CDH12: variants seen among roughly 807,000 people sequenced by gnomAD.
CDH12 encodes the protein cadherin 12.
A neutral mutation model predicts 74.1 loss-of-function variants in CDH12; 41 were observed. The observed-to-expected ratio is 0.55, with a 90% CI of 0.43 to 0.72. CDH12 has a LOEUF of 0.72. Among genes scored for constraint, CDH12 ranks in the 30% least tolerant of loss-of-function variants. The pLI is 0.00. For missense variants in CDH12, 945 were observed against 977.2 expected, an observed-to-expected ratio of 0.97 and a Z score of 0.44; for synonymous variants, 399 against 355.0, an observed-to-expected ratio of 1.12 and a Z score of -1.39.
chr5:21,957,230 C>T (rs1026844435), intron 6 of CDH12, among the ~76,000 whole-genome samples: 53 of 152,068 alleles, frequency 3.5e-4, no homozygotes, highest in Non-Finnish European at 3.4e-4. Flanking sequence ...CCAGCTCCAT[C>T]CATGTTACTG....
At chr5:22,771,691 A>C (rs1320024650) in intron 1 of CDH12, among the ~76,000 whole-genome samples, 1 of 152,142 alleles carries the variant, frequency 6.6e-6, no homozygotes, top group Non-Finnish European at 1.5e-5. Context: ...ATGCAAAATT[A>C]CTTTAATTTC....
chr5:22,502,069 T>G (rs1736180878), intron 2 of CDH12, among the ~76,000 whole-genome samples: 1 of 152,184 alleles, frequency 6.6e-6, no homozygotes, highest in South Asian at 2.1e-4. Flanking sequence ...CATCCTCATC[T>G]TCATAAAATA....
intron 6 of CDH12, among the ~76,000 whole-genome samples, chr5:21,864,934 C>G (rs988309811): frequency 6.6e-6 from 1 of 152,118 alleles, no homozygotes; most frequent in Non-Finnish European, 1.5e-5. Flanking sequence ...GTATTGGAAA[C>G]TGGAATAAAG....
rs147505512 is a variant in CDH12, at chr5:22,336,687, T to C, written c.-333+68570A>G. ...GAATTGGGGTTTGGGAACCTCTACCTAGATTTCAGAAATTGTATGGAATGG... is the reference window on the plus strand; with the variant it reads ...GAATTGGGGTTTGGGAACCTCTACCCAGATTTCAGAAATTGTATGGAATGG... On this transcript the variant is annotated intron_variant, in intron 3 of 14. Transcript: ENST00000382254. Among the ~76,000 whole-genome samples the C allele has an allele frequency of 4.0e-3, 612 of 152,288 alleles. 1 individual carries two copies. Among genetic ancestry groups the C allele is most frequent in the African/African-American group, 0.014 (564 of 41,560 alleles).
rs16898853 is a variant in CDH12, at chr5:22,740,328, C to G, written c.-523+112730G>C. 7.9e-3 allele frequency among the ~76,000 whole-genome samples: 1,197 copies of G among 152,040 alleles called. 14 individuals carry two copies. The highest frequency in any genetic ancestry group is 0.013 in the Non-Finnish European group (873 of 67,926). ...ACTTTACTAATTTGTTCAGCATTAA[C>G]CACTTTTCCTACATGATCGAGAAAT... On this transcript the variant is annotated intron_variant, in intron 1 of 14. Transcript: ENST00000382254.
intron 1 of CDH12, among the ~76,000 whole-genome samples, chr5:22,732,463 T>TACAC (rs1158995154): frequency 9.2e-5 from 9 of 98,240 alleles, no homozygotes; most frequent in African/African-American, 3.6e-4. Flanking sequence ...TGTGTATATA[T>TACAC]ATATATATAC....
intron 10 of CDH12, among the ~76,000 whole-genome samples, chr5:21,788,257 C>G (rs917602040): frequency 1.3e-5 from 2 of 152,042 alleles, no homozygotes; most frequent in Non-Finnish European, 2.9e-5. Context: ...CCTTCCTGCA[C>G]ATGATATTTG....
chr5:22,224,898 T>C (rs1339965946), intron 3 of CDH12, among the ~76,000 whole-genome samples: 1 of 151,944 alleles, frequency 6.6e-6, no homozygotes, highest in East Asian at 1.9e-4. Context: ...GTATAAAATA[T>C]TTTCCCAAAA....
intron 2 of CDH12, among the ~76,000 whole-genome samples, chr5:22,479,222 C>T (rs1746290828): frequency 6.6e-6 from 1 of 152,132 alleles, no homozygotes; most frequent in South Asian, 2.1e-4. Flanking sequence ...TCACAATATG[C>T]CTTATGATTT....
chr5:22,631,770 T>G (rs372994891), intron 1 of CDH12, among the ~76,000 whole-genome samples: 1 of 152,056 alleles, frequency 6.6e-6, no homozygotes, highest in Admixed American at 6.6e-5. Flanking sequence ...ACAATCCTGG[T>G]GGAAGGCAAA....
chr5:22,717,649 T>C (rs549789353), intron 1 of CDH12, among the ~76,000 whole-genome samples: 71 of 152,290 alleles, frequency 4.7e-4, no homozygotes, highest in Non-Finnish European at 9.4e-4. Flanking sequence ...TTTCTGGAGT[T>C]CATTTCTTAA....
At chr5:22,670,790 TC>T (rs1343402681) in intron 1 of CDH12, among the ~76,000 whole-genome samples, 25 of 152,060 alleles carry the variant, frequency 1.6e-4, no homozygotes, top group African/African-American at 6.0e-4. Context: ...GTTTGGTTCC[TC>T]CCATTTTTCA....
At chr5:21,859,355 C>A (rs183095938) in intron 6 of CDH12, among the ~76,000 whole-genome samples, 26 of 151,904 alleles carry the variant, frequency 1.7e-4, no homozygotes, top group African/African-American at 6.3e-4. Flanking sequence ...GGAAAAAGCC[C>A]CTTATAAGAA....
intron 10 of CDH12, among the ~76,000 whole-genome samples, chr5:21,799,028 G>A (rs554881393): frequency 6.6e-6 from 1 of 152,250 alleles, no homozygotes; most frequent in South Asian, 2.1e-4. Context: ...AAAGAAAAGA[G>A]AACTGTAGAG....
At chr5:22,168,825 C>T (rs992778455) in intron 4 of CDH12, among the ~76,000 whole-genome samples, 5 of 111,388 alleles carry the variant, frequency 4.5e-5, no homozygotes, top group African/African-American at 9.4e-5. Context: ...AAGTAATGTG[C>T]GCATGGGGCA....
At chr5:21,883,592 T>C (rs1470352787) in intron 6 of CDH12, 1 of 1,603,824 alleles carries the variant, frequency 6.2e-7, no homozygotes, top group Non-Finnish European at 8.5e-7. Context: ...CCCTGAATCT[T>C]GAAGATGTTC....
chr5:22,222,723 T>G (rs1322973955), intron 3 of CDH12, among the ~76,000 whole-genome samples: 1 of 151,760 alleles, frequency 6.6e-6, no homozygotes, highest in Non-Finnish European at 1.5e-5. Flanking sequence ...CAAACATACT[T>G]TCAGTTGGTT....
chr5:22,644,885 C>G (rs1739355554), intron 1 of CDH12, among the ~76,000 whole-genome samples: 2 of 151,982 alleles, frequency 1.3e-5, no homozygotes, highest in Non-Finnish European at 2.9e-5. Context: ...TAATTCTACT[C>G]TGTGCTCTAT....
At chr5:22,510,495 C>T (rs1007098401) in intron 1 of CDH12, among the ~76,000 whole-genome samples, 9 of 152,072 alleles carry the variant, frequency 5.9e-5, no homozygotes, top group African/African-American at 1.9e-4. Flanking sequence ...ATAGGAAAAA[C>T]CCACCATGCA....
Sources: gnomAD v4.1 joint callset for allele counts (sites outside exome capture counted in the v4.1 genomes callset) on GRCh38, gnomAD v4.1.1 for gene constraint, MANE v1.5 for transcripts, NCBI Gene and HGNC (gene_info 2026-07-23, HGNC 2026-07-21) for gene names.